HERC3: variants seen among roughly 807,000 people sequenced by gnomAD.
The protein encoded by HERC3 is HECT and RLD domain containing E3 ubiquitin protein ligase 3.
HERC3 carries 58 observed loss-of-function variants against 129.9 expected under a neutral mutation model. The ratio of observed to expected loss-of-function variants is 0.45; its 90% CI spans 0.36 to 0.56. The LOEUF (loss-of-function observed/expected upper bound fraction) is 0.56. Among genes scored for constraint, HERC3 ranks in the 20% least tolerant of loss-of-function variants. The pLI is 0.00. For missense variants in HERC3, 835 were observed against 1,244.2 expected (o/e 0.67, Z 4.95); for synonymous variants, 430 against 451.0 (o/e 0.95, Z 0.59).
At chr4:88,591,727 T>C (rs1056695994), upstream of HERC3, among the ~76,000 whole-genome samples, 2 of 152,152 alleles carry the variant, frequency 1.3e-5, no homozygotes, top group African/African-American at 4.8e-5. Flanking sequence ...GATTCGGCGC[T>C]AGGGAAAAGT....
chr4:88,697,822 G>C, intron 23 of HERC3: 2 of 1,506,710 alleles, frequency 1.3e-6, no homozygotes, highest in Non-Finnish European at 1.8e-6. Context: ...CTGGTCCAGA[G>C]AGATCTTGCG....
upstream of HERC3, among the ~76,000 whole-genome samples, chr4:88,591,172 C>T (rs923627661): frequency 6.6e-6 from 1 of 152,196 alleles, no homozygotes; most frequent in Non-Finnish European, 1.5e-5. Flanking sequence ...AGATTACAGG[C>T]ATGGGCCACC....
the HERC3 span, among the ~76,000 whole-genome samples, chr4:88,568,354 T>C: frequency 6.6e-6 from 1 of 151,972 alleles, no homozygotes; most frequent in African/African-American, 2.4e-5. Flanking sequence ...CTTCTGTCCT[T>C]CTCTTCATGG....
At chr4:88,633,960 T>G (rs1225093066) in intron 3 of HERC3, among the ~76,000 whole-genome samples, 1 of 151,290 alleles carries the variant, frequency 6.6e-6, no homozygotes, top group African/African-American at 2.5e-5. Context: ...GGGGCCGAGA[T>G]GGCCGATTGG....
intron 21 of HERC3, among the ~76,000 whole-genome samples, 162 bp from the exon 22 acceptor site, chr4:88,686,574 G>C (rs1268637904): frequency 6.6e-6 from 1 of 152,176 alleles, no homozygotes; most frequent in Non-Finnish European, 1.5e-5. Context: ...TTCTCTGCAA[G>C]GTGTAGGTAC....
intron 10 of HERC3, 105 bp from the exon 11 acceptor site, chr4:88,662,326 A>T: frequency 8.7e-7 from 1 of 1,148,546 alleles, no homozygotes; most frequent in Non-Finnish European, 1.2e-6. Context: ...TGCAGCATTT[A>T]GATCATAAGT....
chr4:88,559,802 CAGA>C, the HERC3 span, among the ~76,000 whole-genome samples: 2 of 151,974 alleles, frequency 1.3e-5, no homozygotes, highest in Non-Finnish European at 2.9e-5. Flanking sequence ...TGTATGCACC[CAGA>C]AGAAGGATTG....
At chr4:88,592,033 A>T (rs766100289), upstream of HERC3, among the ~76,000 whole-genome samples, 21 of 152,092 alleles carry the variant, frequency 1.4e-4, no homozygotes, top group Non-Finnish European at 2.6e-4. Flanking sequence ...AGTAAAGCAG[A>T]AGACTAGCGC....
the HERC3 span, among the ~76,000 whole-genome samples, chr4:88,556,037 C>A: frequency 6.6e-6 from 1 of 152,114 alleles, no homozygotes; most frequent in Non-Finnish European, 1.5e-5. Context: ...AAATTGATGA[C>A]GCTGGAAGCT....
intron 9 of HERC3, chr4:88,657,248 A>G (rs1730005536): frequency 6.6e-6 from 1 of 152,334 alleles, no homozygotes; most frequent in African/African-American, 2.4e-5. Flanking sequence ...ACTGGATTAT[A>G]AGAAACTCAA....
chr4:88,672,922 G>A (rs928295638), intron 16 of HERC3, among the ~76,000 whole-genome samples: 1 of 152,206 alleles, frequency 6.6e-6, no homozygotes, highest in Non-Finnish European at 1.5e-5. Flanking sequence ...TACCTTTGCA[G>A]AGTGTTTAGC....
the HERC3 span, among the ~76,000 whole-genome samples, chr4:88,585,538 A>G: frequency 2.7e-5 from 3 of 111,482 alleles, no homozygotes; most frequent in Non-Finnish European, 3.7e-5. Context: ...TTTTTTTGCT[A>G]TGGAACTTGG....
At chr4:88,643,076 G>A (rs545443643) in intron 3 of HERC3, among the ~76,000 whole-genome samples, 238 of 152,134 alleles carry the variant, frequency 1.6e-3, no homozygotes, top group Middle Eastern at 3.4e-3. Flanking sequence ...ACACAAAAAT[G>A]TACTATATCT....
chr4:88,630,288 A>G (rs1726597298), intron 3 of HERC3, among the ~76,000 whole-genome samples: 1 of 152,224 alleles, frequency 6.6e-6, no homozygotes, highest in South Asian at 2.1e-4. Flanking sequence ...TGATTTAGAA[A>G]TGAAACAGTT....
chr4:88,694,544 T>A (rs914127707), intron 23 of HERC3, among the ~76,000 whole-genome samples: 1 of 152,226 alleles, frequency 6.6e-6, no homozygotes, highest in Non-Finnish European at 1.5e-5. Context: ...TTTAATATAT[T>A]TTCTTCAGTT....
At chr4:88,655,779 C>A in intron 8 of HERC3, 96 bp from the exon 9 acceptor site, 1 of 1,274,026 alleles carries the variant, frequency 7.8e-7, no homozygotes, top group Non-Finnish European at 1.1e-6. Flanking sequence ...ATAGGAGCAC[C>A]CTGTGCTGTG....
the HERC3 span, among the ~76,000 whole-genome samples, chr4:88,572,384 T>C: frequency 6.6e-6 from 1 of 151,704 alleles, no homozygotes; most frequent in African/African-American, 2.4e-5. Flanking sequence ...GCTGTGACCA[T>C]CACTGCACTC....
intron 23 of HERC3, among the ~76,000 whole-genome samples, chr4:88,701,217 T>G (rs922651888): frequency 6.6e-6 from 1 of 152,238 alleles, no homozygotes; most frequent in Non-Finnish European, 1.5e-5. Flanking sequence ...ATGATTAACA[T>G]GCACAATAAT....
At chr4:88,620,669 G>C (rs530683270) in intron 3 of HERC3, among the ~76,000 whole-genome samples, 6 of 152,172 alleles carry the variant, frequency 3.9e-5, no homozygotes, top group Admixed American at 6.5e-5. Flanking sequence ...TCTCCACAGA[G>C]TAATCATATT....
Sources: allele counts gnomAD v4.1 joint callset (sites outside exome capture counted in the v4.1 genomes callset), GRCh38; gene constraint gnomAD v4.1.1; transcripts MANE v1.5; gene names NCBI Gene and HGNC (gene_info 2026-07-23, HGNC 2026-07-21).